Variants in FCHO1 observed in about 807,000 individuals in gnomAD.
FCHO1 encodes the protein FCH and mu domain containing endocytic adaptor 1.
A neutral mutation model predicts 114.4 loss-of-function variants in FCHO1; 45 were observed. That is an observed-to-expected ratio of 0.39 (90% CI 0.31 to 0.50). The LOEUF (loss-of-function observed/expected upper bound fraction) is 0.50. Among genes scored for constraint, FCHO1 ranks in the 20% least tolerant of loss-of-function variants. The pLI, the probability that FCHO1 is intolerant of heterozygous loss-of-function variation, is 0.77. For missense variants in FCHO1, 1,042 were observed against 1,209.6 expected (o/e 0.86, Z 2.06); for synonymous variants, 480 against 488.9 (o/e 0.98, Z 0.24).
At chr19:17,761,665 T>C (rs2146539978) in intron 4 of FCHO1, among the ~76,000 whole-genome samples, 1 of 142,826 alleles carries the variant, frequency 7.0e-6, no homozygotes, top group South Asian at 2.3e-4. Context: ...CACACACACT[T>C]CCCCCCCGCC....
intron 4 of FCHO1, among the ~76,000 whole-genome samples, chr19:17,761,313 C>T (rs1264983165): frequency 2.0e-5 from 3 of 151,494 alleles, no homozygotes; most frequent in Non-Finnish European, 4.4e-5. Context: ...ACTTAAGCAA[C>T]GGGGACTGTA....
chr19:17,775,227 C>T lies in FCHO1; in HGVS notation c.945+147C>T, dbSNP rs1301877526. On this transcript the variant is annotated intron_variant, in intron 14 of 28. Transcript: ENST00000596536. This position sits in a 1 kb window ranked among gnomAD's most constrained non-coding sequence, Gnocchi z 5.1. The stretch of plus-strand genomic sequence containing the variant: ...GCCTGGGGGCTGGGTTCATATCCCA[C>T]CTCAGCTGCAAAGTCCCATGGACTA... The T allele has an allele frequency of 2.1e-6, 2 of 944,178 alleles. No individual in the cohort carries two copies. Among genetic ancestry groups the T allele is most frequent in the South Asian group, 3.2e-5 (2 of 63,474 alleles). 58.5% of individuals were successfully genotyped at this position (944,178 alleles called of 1,614,324 possible).
chr19:17,770,320 C>A, intron 7 of FCHO1, 105 bp from the exon 8 acceptor site: 3 of 943,256 alleles, frequency 3.2e-6, no homozygotes, highest in Admixed American at 3.1e-5. Flanking sequence ...CAAACCAAAA[C>A]ACACACACAC....
chr19:17,784,557 C>T lies in FCHO1; in HGVS notation c.2227-168C>T, dbSNP rs984810346. On this transcript the variant is annotated intron_variant, in intron 25 of 28. Coordinates refer to ENST00000596536, the MANE Select transcript of FCHO1 (RefSeq NM_015122.3). This position sits in a 1 kb window ranked among gnomAD's most constrained non-coding sequence, Gnocchi z 5.3. ...TTAGAATGAGGCGCTCTCCTGCCCC[C>T]TGCTGGAAACCTGGTGTAATACAGC... Among the ~76,000 whole-genome samples, 1 of 152,198 alleles carries T rather than the reference C, an allele frequency of 6.6e-6. No individual in the cohort carries two copies. Among genetic ancestry groups the T allele is most frequent in the African/African-American group, 2.4e-5 (1 of 41,454 alleles).
At chr19:17,758,999 TC>T (rs1269226105) in intron 4 of FCHO1, among the ~76,000 whole-genome samples, 1 of 151,902 alleles carries the variant, frequency 6.6e-6, no homozygotes, top group Admixed American at 6.6e-5. Context: ...TGTATAACAT[TC>T]AAGCTTCCGG....
intron 7 of FCHO1, among the ~76,000 whole-genome samples, chr19:17,769,328 G>A (rs1303390855): frequency 7.0e-6 from 1 of 142,932 alleles, no homozygotes; most frequent in Non-Finnish European, 1.5e-5. Context: ...TGTAATCCCA[G>A]CACTTTGGGA....
chr19:17,778,162 G>A lies in FCHO1; in HGVS notation c.1285G>A (p.Glu429Lys), dbSNP rs2092891155. 2.5e-6 allele frequency: 4 copies of A among 1,614,006 alleles called. No individual in the cohort carries two copies. The East Asian group carries it at 8.9e-5, about 36-fold the overall frequency. The change falls in exon 19 of 29, where the codon GAG becomes AAG. Residue 429 changes from glutamate to lysine, a missense_variant. Physicochemically the swap from Glu to Lys is moderately conservative, Grantham distance 56. This residue lies in a region of FCHO1 where 455 missense variants were observed against 455.4 expected (regional missense o/e 1.00). Transcript: ENST00000596536. ...CTGTGCAGAGAGATTGCAGTCAGAG[G>A]AGCAGGTGTCCAAGAACCTCTTTGG... ...SSCAERLQSE[E>K]QVSKNLFGPP...
intron 27 of FCHO1, 37 bp downstream of exon 27, chr19:17,786,666 G>GGGGC: frequency 2.0e-6 from 1 of 496,992 alleles, no homozygotes; most frequent in Non-Finnish European, 4.1e-6. Context: ...GGGTGGGAGG[G>GGGGC]ACTGGGGTCA....
chr19:17,781,086 T>C (rs550782901), intron 20 of FCHO1, 145 bp from the exon 21 acceptor site: 14 of 630,994 alleles, frequency 2.2e-5, no homozygotes, highest in Non-Finnish European at 2.8e-5. Flanking sequence ...TCTGGCACCT[T>C]TTCTGCAACA....
chr19:17,768,420 G>A lies in FCHO1; in HGVS notation c.336+1610G>A, dbSNP rs564410548. On this transcript the variant is annotated intron_variant, in intron 7 of 28. Coordinates refer to ENST00000596536, the MANE Select transcript of FCHO1 (RefSeq NM_015122.3). ...AGAAGGGATCTTGCTAGCCAGGAGC[G>A]ATGGCTCATGCCTGTAATCCCAGCA... 3.3e-5 allele frequency among the ~76,000 whole-genome samples: 5 copies of A among 152,014 alleles called. No individual in the cohort carries two copies. In the South Asian group the frequency reaches 6.3e-4, roughly 19 times the overall value.
chr19:17,781,220 C>T lies in FCHO1; in HGVS notation c.1628-11C>T. 1 of 1,597,380 alleles carries T rather than the reference C, an allele frequency of 6.3e-7. No individual in the cohort carries two copies. The highest frequency in any genetic ancestry group is 1.1e-5 in the South Asian group (1 of 90,270). ...AGCATCTCAGCAGTGCCTCTTTGTA[C>T]TCGCTCCTAGACCTGATGCCTGCAC... On this transcript the variant is annotated splice_polypyrimidine_tract_variant and intron_variant, in intron 20 of 28. Transcript: ENST00000596536.
chr19:17,756,014 G>A (rs1194858978), intron 4 of FCHO1, among the ~76,000 whole-genome samples: 1 of 152,172 alleles, frequency 6.6e-6, no homozygotes, highest in Non-Finnish European at 1.5e-5. Flanking sequence ...GGGTGAACAG[G>A]GGAGGGCCCA....
At chr19:17,759,456 C>T (rs1011032139) in intron 4 of FCHO1, among the ~76,000 whole-genome samples, 2 of 151,436 alleles carry the variant, frequency 1.3e-5, no homozygotes, top group South Asian at 2.1e-4. Context: ...CTCTTGACCT[C>T]GAGTGATTTG....
At chr19:17,774,531 C>G (rs2092339863) in intron 13 of FCHO1, 53 bp downstream of exon 13, 1 of 1,420,752 alleles carries the variant, frequency 7.0e-7, no homozygotes, top group African/African-American at 1.4e-5. Flanking sequence ...GATCCCCTCC[C>G]CTGCCCAGGC....
intron 4 of FCHO1, among the ~76,000 whole-genome samples, chr19:17,757,107 T>C (rs573411145): frequency 6.0e-5 from 9 of 150,800 alleles, no homozygotes; most frequent in African/African-American, 2.0e-4. Flanking sequence ...GAGAATTGCT[T>C]GAACCCGGGA....
At chr19:17,759,590 C>T (rs760869790) in intron 4 of FCHO1, among the ~76,000 whole-genome samples, 3 of 151,954 alleles carry the variant, frequency 2.0e-5, no homozygotes, top group Non-Finnish European at 4.4e-5. Context: ...ATTCCAACAG[C>T]GGGCGCAGAG....
intron 8 of FCHO1, 88 bp downstream of exon 8, chr19:17,770,665 CG>C (rs2091241585): frequency 6.3e-7 from 1 of 1,574,894 alleles, no homozygotes; most frequent in African/African-American, 1.3e-5. Flanking sequence ...CCCAGAGCGA[CG>C]GTCCTGGAAC....
Position 17,784,097 on chromosome 19 carries a change from C to T in FCHO1, c.2094-6C>T. ...GGATTGGGGTGATCAGTCCGGGTCT[C>T]TGCAGTGACCCCTCCCAGAGTGACC... On this transcript the variant is annotated splice_region_variant and splice_polypyrimidine_tract_variant and intron_variant, in intron 24 of 28. Transcript: ENST00000596536. The surrounding 1 kb of genome is among the most constrained non-coding windows in gnomAD (Gnocchi z 5.3). 6.2e-7 allele frequency: 1 copy of T among 1,613,944 alleles called. No individual in the cohort carries two copies. Among genetic ancestry groups the T allele is most frequent in the Admixed American group, 1.7e-5 (1 of 60,016 alleles).
chr19:17,768,741 C>A (rs764063345), intron 7 of FCHO1, among the ~76,000 whole-genome samples: 9 of 150,042 alleles, frequency 6.0e-5, no homozygotes, highest in Non-Finnish European at 4.4e-5. Context: ...GAGAAGGGGT[C>A]CTGCTGTGTT....
Sources: allele counts gnomAD v4.1 joint callset (sites outside exome capture counted in the v4.1 genomes callset), GRCh38; gene constraint gnomAD v4.1.1; regional missense constraint gnomAD v4.1.1; non-coding constraint Gnocchi (gnomAD v3.1); transcripts MANE v1.5; gene names NCBI Gene and HGNC (gene_info 2026-07-23, HGNC 2026-07-21).